The following GPM6A variants were observed in gnomAD, a reference collection of about 807,000 sequenced individuals.
GPM6A encodes glycoprotein M6A.
Under a neutral mutation model 32.1 loss-of-function variants are expected in GPM6A, and 7 were observed. That is an observed-to-expected ratio of 0.22 (90% CI 0.12 to 0.41). The LOEUF (loss-of-function observed/expected upper bound fraction) is 0.41. Among genes scored for constraint, GPM6A ranks in the 10% least tolerant of loss-of-function variants. GPM6A has a pLI of 1.00. For synonymous variants in GPM6A, 130 were observed against 123.4 expected (o/e 1.05, Z -0.35); for missense variants, 235 against 347.2 (o/e 0.68, Z 2.57).
At chr4:175,916,987 A>C (rs1159634882) in intron 1 of GPM6A, among the ~76,000 whole-genome samples, 2 of 152,134 alleles carry the variant, frequency 1.3e-5, no homozygotes, top group African/African-American at 2.4e-5. Context: ...GCATTCTCCT[A>C]CCTCTTAAAT....
chr4:175,974,526 T>A (rs1452461598), intron 1 of GPM6A, among the ~76,000 whole-genome samples: 1 of 150,998 alleles, frequency 6.6e-6, no homozygotes, highest in African/African-American at 2.4e-5. Flanking sequence ...CAGCCCTAAA[T>A]GACACTTAAA....
At chr4:175,661,458 T>C (rs1331448832) in intron 3 of GPM6A, among the ~76,000 whole-genome samples, 1 of 149,034 alleles carries the variant, frequency 6.7e-6, no homozygotes, top group Non-Finnish European at 1.5e-5. Context: ...AAAAAGTCAC[T>C]GAAAGTCACT....
intron 1 of GPM6A, among the ~76,000 whole-genome samples, chr4:175,709,374 C>G (rs1745399564): frequency 6.6e-6 from 1 of 150,732 alleles, no homozygotes; most frequent in South Asian, 2.1e-4. Context: ...TCTTTTCTTC[C>G]TTTCTCTCTT....
At chr4:175,713,972 T>C (rs977817607) in intron 1 of GPM6A, among the ~76,000 whole-genome samples, 9 of 152,330 alleles carry the variant, frequency 5.9e-5, no homozygotes, top group East Asian at 1.9e-4. Context: ...TTAGTCCTTC[T>C]GTGAAAATTT....
chr4:175,925,850 C>CTTTTTTTTTTTTTTTTT (rs60669466), intron 1 of GPM6A, among the ~76,000 whole-genome samples: 2 of 135,116 alleles, frequency 1.5e-5, no homozygotes, highest in Non-Finnish European at 3.2e-5. Context: ...CTTTTCTTTT[C>CTTTTTTTTTTTTTTTTT]TTTTTTTTTT....
chr4:175,768,081 A>G (rs933102347), intron 1 of GPM6A, among the ~76,000 whole-genome samples: 1 of 152,218 alleles, frequency 6.6e-6, no homozygotes, highest in African/African-American at 2.4e-5. Flanking sequence ...AACTTCTATT[A>G]AGAACAATAT....
intron 1 of GPM6A, among the ~76,000 whole-genome samples, chr4:175,736,348 G>C (rs1241466704): frequency 6.6e-6 from 1 of 152,168 alleles, no homozygotes; most frequent in Non-Finnish European, 1.5e-5. Flanking sequence ...AGGATTCTTA[G>C]AAGGAGGCAT....
chr4:176,001,245 C>CA (rs1055921305), intron 1 of GPM6A, among the ~76,000 whole-genome samples: 1 of 152,140 alleles, frequency 6.6e-6, no homozygotes, highest in Non-Finnish European at 1.5e-5. Context: ...CAACAAAGGA[C>CA]AAGGGAGAAG....
At chr4:175,898,493 CT>C (rs915339922) in intron 1 of GPM6A, among the ~76,000 whole-genome samples, 1 of 152,108 alleles carries the variant, frequency 6.6e-6, no homozygotes, top group African/African-American at 2.4e-5. Flanking sequence ...GTAGATTCAG[CT>C]CCAGTAAGAG....
At chr4:175,842,905 T>C (rs1735983652) in intron 1 of GPM6A, among the ~76,000 whole-genome samples, 1 of 151,838 alleles carries the variant, frequency 6.6e-6, no homozygotes, top group African/African-American at 2.4e-5. Context: ...ATCCCAATCC[T>C]TGCTTACCTA....
chr4:175,985,695 T>A (rs1289438737), intron 1 of GPM6A, among the ~76,000 whole-genome samples: 2 of 152,240 alleles, frequency 1.3e-5, no homozygotes, highest in Non-Finnish European at 2.9e-5. Context: ...CTTACAGTTT[T>A]TGCAGGATTT....
chr4:175,753,311 A>G (rs916346844), intron 1 of GPM6A, among the ~76,000 whole-genome samples: 1 of 152,174 alleles, frequency 6.6e-6, no homozygotes, highest in African/African-American at 2.4e-5. Flanking sequence ...AGCTGTTCAA[A>G]ATGATCAGAA....
intron 2 of GPM6A, among the ~76,000 whole-genome samples, chr4:175,685,417 C>T (rs1743923611): frequency 6.6e-6 from 1 of 152,150 alleles, no homozygotes; most frequent in East Asian, 1.9e-4. Flanking sequence ...TTGAACGTTT[C>T]TTGTTAAGGT....
intron 1 of GPM6A, among the ~76,000 whole-genome samples, chr4:175,893,625 AC>A (rs1178392676): frequency 3.3e-5 from 5 of 152,130 alleles, no homozygotes; most frequent in Admixed American, 1.3e-4. Flanking sequence ...TTCTTAAACT[AC>A]CCCCTGAATA....
chr4:175,789,425 A>G (rs1733923299), intron 1 of GPM6A, among the ~76,000 whole-genome samples: 1 of 152,190 alleles, frequency 6.6e-6, no homozygotes, highest in Admixed American at 6.5e-5. Flanking sequence ...TCATTGCAGA[A>G]GCTGTAAATC....
intron 1 of GPM6A, among the ~76,000 whole-genome samples, chr4:175,983,027 G>A (rs754588332): frequency 4.6e-5 from 7 of 152,126 alleles, no homozygotes; most frequent in East Asian, 1.9e-4. Context: ...AGAACATAAC[G>A]CAATTTTATT....
intron 1 of GPM6A, among the ~76,000 whole-genome samples, chr4:175,765,494 C>T (rs1336361241): frequency 6.6e-6 from 1 of 152,082 alleles, no homozygotes; most frequent in Admixed American, 6.6e-5. Flanking sequence ...TTAGGATATC[C>T]ATCGCCTCAA....
chr4:175,702,302 T>C (rs1744924554), intron 1 of GPM6A, among the ~76,000 whole-genome samples: 1 of 152,194 alleles, frequency 6.6e-6, no homozygotes. Flanking sequence ...CCGCCTAAAA[T>C]ATTTATGTTT....
intron 1 of GPM6A, among the ~76,000 whole-genome samples, chr4:175,942,331 G>T (rs564898205): frequency 1.3e-5 from 2 of 152,242 alleles, no homozygotes; most frequent in South Asian, 4.2e-4. Flanking sequence ...TAGGTTGCCT[G>T]TTCACTCTGA....
Sources: gnomAD v4.1 joint callset for allele counts (sites outside exome capture counted in the v4.1 genomes callset) on GRCh38, gnomAD v4.1.1 for gene constraint, MANE v1.5 for transcripts, NCBI Gene and HGNC (gene_info 2026-07-23, HGNC 2026-07-21) for gene names.